ZFX: variants seen among roughly 807,000 people sequenced by gnomAD.
ZFX encodes the protein zinc finger protein X-linked, also known as zinc finger X-chromosomal protein.
For missense variants in ZFX, 362 were observed against 628.3 expected (o/e 0.58, Z 4.53); for synonymous variants, 196 against 226.8 (o/e 0.86, Z 1.22).
rs1173665956 is a variant in ZFX, at chrX:24,212,386, T to C, written c.*1010T>C. 2.7e-5 allele frequency: 3 copies of C among 112,206 alleles called. No individual in the cohort carries two copies. Among genetic ancestry groups the C allele is most frequent in the Non-Finnish European group, 5.6e-5 (3 of 53,206 alleles). The allele number at this position is 112,206 out of a possible 1,213,427, so 9.2% of individuals were successfully genotyped here. A position where few individuals can be genotyped will look rare whatever the true frequency, so the allele number is the denominator to read the frequency against. ...GATCCAGGGATGCATGAGAGAGCAT[T>C]TTGTAAGTCATGCTCTTCAGAGAGA... On this transcript the variant is annotated 3_prime_UTR_variant, in exon 10 of 10. Coordinates refer to ENST00000304543, the MANE Select transcript of ZFX (RefSeq NM_003410.4).
chrX:24,158,379 A>AG (rs1165798293), intron 3 of ZFX, among the ~76,000 whole-genome samples: 1 of 111,343 alleles, frequency 9.0e-6, no homozygotes, highest in Non-Finnish European at 1.9e-5. Flanking sequence ...AAACAAAAAA[A>AG]CACAGTTCAT....
intron 3 of ZFX, among the ~76,000 whole-genome samples, chrX:24,155,833 A>G (rs1221233344): frequency 3.6e-5 from 4 of 112,571 alleles, no homozygotes; most frequent in African/African-American, 1.3e-4. Flanking sequence ...TTGCTTGTGC[A>G]TACCTTTGGT....
At chrX:24,179,156 A>ATT (rs772229914) in intron 4 of ZFX, 27 bp from the exon 5 acceptor site, 2 of 1,170,806 alleles carry the variant, frequency 1.7e-6, no homozygotes, top group Non-Finnish European at 2.3e-6. Context: ...CTTACCTGAA[A>ATT]TTTGTCATTT....
intron 5 of ZFX, among the ~76,000 whole-genome samples, chrX:24,202,904 A>G (rs775180262): frequency 1.4e-4 from 16 of 112,011 alleles, no homozygotes; most frequent in Non-Finnish European, 2.8e-4. Context: ...CTGCTGTGTC[A>G]ATGGGAAAGA....
intron 1 of ZFX, 56 bp downstream of exon 1, chrX:24,149,850 T>C (rs1351330334): frequency 2.7e-5 from 3 of 109,115 alleles, no homozygotes; most frequent in Non-Finnish European, 5.8e-5. Flanking sequence ...AGCGGCCTGG[T>C]CTCGGCCTGG....
chrX:24,197,640 A>AT, intron 5 of ZFX, among the ~76,000 whole-genome samples: 1 of 112,057 alleles, frequency 8.9e-6, no homozygotes, highest in Non-Finnish European at 1.9e-5. Flanking sequence ...ATAATGGGAG[A>AT]TTTTTTTCCT....
chrX:24,182,464 A>G (rs748471067), intron 5 of ZFX, among the ~76,000 whole-genome samples: 2 of 111,675 alleles, frequency 1.8e-5, no homozygotes, highest in Admixed American at 9.6e-5. Context: ...AGTATTTCCA[A>G]CACTGTTAAG....
intron 7 of ZFX, 142 bp downstream of exon 7, chrX:24,207,997 G>A (rs1937729971): frequency 1.1e-6 from 1 of 909,546 alleles, no homozygotes; most frequent in South Asian, 2.5e-5. Flanking sequence ...TTTTATATAT[G>A]CTTATGATGT....
chrX:24,197,627 T>G (rs181623389), intron 5 of ZFX, among the ~76,000 whole-genome samples: 1 of 111,982 alleles, frequency 8.9e-6, no homozygotes, highest in African/African-American at 3.2e-5. Context: ...TAGAAAAATA[T>G]TTATAATGGG....
At position 24,171,907 on chromosome X, in the gene ZFX, AG is replaced by A. The variant is rs1934657875; in HGVS notation, c.-28-807del. On this transcript the variant is annotated intron_variant, in intron 3 of 9. Coordinates refer to ENST00000304543, the MANE Select transcript of ZFX (RefSeq NM_003410.4). ...CAGCCACCAGGACAGAGAGAGAAGGAGAGAGAGAGAGAGAGAGAGAGAGAGA... is the reference window on the plus strand; with the variant it reads ...CAGCCACCAGGACAGAGAGAGAAGGAAGAGAGAGAGAGAGAGAGAGAGAGA... 1.9e-3 allele frequency among the ~76,000 whole-genome samples: 60 copies of A among 31,402 alleles called. 1 individual carries two copies. Among genetic ancestry groups the A allele is most frequent in the African/African-American group, 0.01 (59 of 5,897 alleles). 27.3% of individuals were successfully genotyped at this position (31,402 alleles called of 115,157 possible). A position where few individuals can be genotyped will look rare whatever the true frequency, so the allele number is the denominator to read the frequency against.
At chrX:24,162,035 CTATT>C (rs1293031253) in intron 3 of ZFX, among the ~76,000 whole-genome samples, 1 of 98,972 alleles carries the variant, frequency 1.0e-5, no homozygotes, top group Non-Finnish European at 2.0e-5. Context: ...ATTGCTTTCT[CTATT>C]TATTTGTCTA....
chrX:24,185,478 TCTTG>T (rs1936033518), intron 5 of ZFX, among the ~76,000 whole-genome samples: 1 of 111,427 alleles, frequency 9.0e-6, no homozygotes, highest in Non-Finnish European at 1.9e-5. Context: ...TGAGACAGAG[TCTTG>T]CTCTGTCGCC....
Position 24,210,429 on chromosome X carries a change from G to T in ZFX, c.1471G>T (p.Asp491Tyr). ...TSKAEKAIEC[D>Y]ECGKHFSHAG... ...CAAGGCAGAGAAGGCCATTGAATGC[G>T]ATGAGTGTGGGAAGCATTTCTCTCA... The change falls in exon 10 of 10, where the codon GAT (aspartate) becomes TAT (tyrosine). Residue 491 changes from aspartate (D) to tyrosine (Y), a missense_variant. Physicochemically the swap from Asp to Tyr is radical, Grantham distance 160. Coordinates refer to ENST00000304543, the MANE Select transcript of ZFX (RefSeq NM_003410.4). 8.3e-7 allele frequency: 1 copy of T among 1,212,056 alleles called. No individual in the cohort carries two copies. Among genetic ancestry groups the T allele is most frequent in the Non-Finnish European group, 1.1e-6 (1 of 895,632 alleles).
In ZFX at chrX:24,210,803, G is replaced by A. The variant is rs376089345; in HGVS notation, c.1845G>A (p.Ser615=). Reference sequence around the variant, plus strand: ...GTGACATTTGTCTTCTGACTTTCTCGGATACCAAAGAGGTGCAGCAACATG... The same window carrying A: ...GTGACATTTGTCTTCTGACTTTCTCAGATACCAAAGAGGTGCAGCAACATG... ...FKCDICLLTF[S]DTKEVQQHAL... Residue 615 remains serine (S), a synonymous_variant, in exon 10 of 10, where the codon TCG becomes TCA. Transcript: ENST00000304543. 6 of 1,209,653 alleles carry A rather than the reference G, an allele frequency of 5.0e-6. No homozygotes were observed. The highest frequency in any genetic ancestry group is 2.2e-5 in the Admixed American group (1 of 45,713).
At chrX:24,209,658 C>T (rs1186895006) in intron 9 of ZFX, among the ~76,000 whole-genome samples, 1 of 111,315 alleles carries the variant, frequency 9.0e-6, no homozygotes, top group East Asian at 2.8e-4. Flanking sequence ...ACACTGCAAC[C>T]TCTGCCCCCT....
At chrX:24,207,262 T>TC (rs1937650273) in intron 5 of ZFX, 64 bp from the exon 6 acceptor site, 1 of 1,070,983 alleles carries the variant, frequency 9.3e-7, no homozygotes. Context: ...TTTTTTTTTT[T>TC]GCGAATAGTA....
chrX:24,168,948 A>C (rs1934290430), intron 3 of ZFX, among the ~76,000 whole-genome samples: 1 of 110,561 alleles, frequency 9.0e-6, no homozygotes, highest in Non-Finnish European at 1.9e-5. Flanking sequence ...CTTGGTTTGT[A>C]CTACAAAGGC....
intron 5 of ZFX, among the ~76,000 whole-genome samples, chrX:24,194,641 T>C (rs1936775081): frequency 8.9e-6 from 1 of 111,939 alleles, no homozygotes; most frequent in African/African-American, 3.2e-5. Flanking sequence ...TGTTTAATGC[T>C]ACAAGTGTTT....
At position 24,208,985 on chromosome X, in the gene ZFX, G is replaced by A; in HGVS notation, c.1179G>A (p.Leu393=). Residue 393 remains leucine (L), a synonymous_variant, in exon 9 of 10, where the codon CTG becomes CTA. Coordinates refer to ENST00000304543, the MANE Select transcript of ZFX (RefSeq NM_003410.4). ...ATGAGTCTGCTGGCCTCGGCAGACT[G>A]GCTAAACAAAAACCAAAGAAAAGGA... ...HIDESAGLGR[L]AKQKPKKRRR... The A allele has an allele frequency of 8.3e-7, 1 of 1,211,704 alleles. No homozygotes were observed. The highest frequency in any genetic ancestry group is 1.1e-6 in the Non-Finnish European group (1 of 895,534).
Sources: gnomAD v4.1 joint callset for allele counts (sites outside exome capture counted in the v4.1 genomes callset) on GRCh38, gnomAD v4.1.1 for gene constraint, MANE v1.5 for transcripts, NCBI Gene and HGNC (gene_info 2026-07-23, HGNC 2026-07-21) for gene names.